The following ARMC8 variants were observed in gnomAD, a reference collection of about 807,000 sequenced individuals.
ARMC8 encodes the protein armadillo repeat containing 8.
A neutral mutation model predicts 99.3 loss-of-function variants in ARMC8; 20 were observed. The observed-to-expected ratio is 0.20, with a 90% CI of 0.14 to 0.29. ARMC8 has a LOEUF of 0.29. Ranked by LOEUF, ARMC8 falls within the 10% of genes least tolerant of loss-of-function variation. The probability of loss-of-function intolerance (pLI) is 1.00; values close to 1 mark genes in which losing one functional copy is unlikely to be tolerated. For synonymous variants in ARMC8, 263 were observed against 278.3 expected, an observed-to-expected ratio of 0.95 and a Z score of 0.55; for missense variants, 569 against 809.5, an observed-to-expected ratio of 0.70 and a Z score of 3.60.
At position 138,259,683 on chromosome 3, in the gene ARMC8, G is replaced by A. The variant is rs558189187; in HGVS notation, c.1135-4056G>A. Among the ~76,000 whole-genome samples the A allele has an allele frequency of 2.6e-5, 4 of 152,286 alleles. No individual in the cohort carries two copies. The South Asian group carries it at 8.3e-4, about 32-fold the overall frequency. On this transcript the variant is annotated intron_variant, in intron 12 of 21. Transcript: ENST00000469044. ...CTAAGAAGGGTCAACTTGTGCCTGA[G>A]GGGAAGATACCTCCAGATAGTTTTA...
chr3:138,263,947 A>G, intron 13 of ARMC8, 126 bp downstream of exon 13: 1 of 1,035,590 alleles, frequency 9.7e-7, no homozygotes, highest in East Asian at 2.4e-5. Flanking sequence ...GTGAATTCAT[A>G]GAGTATATAA....
chr3:138,281,783 C>T (rs899621860), intron 18 of ARMC8, among the ~76,000 whole-genome samples: 7 of 152,140 alleles, frequency 4.6e-5, no homozygotes, highest in East Asian at 1.9e-4. Context: ...GAGGGATCTT[C>T]CCTGGAATTC....
At chr3:138,223,801 A>G in intron 5 of ARMC8, 68 bp downstream of exon 5, 1 of 1,300,440 alleles carries the variant, frequency 7.7e-7, no homozygotes, top group South Asian at 1.2e-5. Context: ...TTTGCTTAGC[A>G]TCTTCAGACT....
At chr3:138,199,479 T>A (rs926631128) in intron 1 of ARMC8, among the ~76,000 whole-genome samples, 1 of 152,204 alleles carries the variant, frequency 6.6e-6, no homozygotes, top group Admixed American at 6.5e-5. Context: ...AGTGTTATCC[T>A]TTTTTGTTCC....
chr3:138,205,542 A>T (rs2044326085), intron 1 of ARMC8, among the ~76,000 whole-genome samples: 1 of 152,188 alleles, frequency 6.6e-6, no homozygotes, highest in Non-Finnish European at 1.5e-5. Flanking sequence ...ATTACCGGTG[A>T]TGGAAATAAC....
At chr3:138,210,031 A>G (rs1259327674) in intron 2 of ARMC8, 138 bp downstream of exon 2, 1 of 545,100 alleles carries the variant, frequency 1.8e-6, no homozygotes, top group Non-Finnish European at 3.2e-6. Flanking sequence ...ACTGCTTGAC[A>G]TTCATGACGT....
At chr3:138,259,903 A>G (rs1457133947) in intron 12 of ARMC8, among the ~76,000 whole-genome samples, 2 of 152,116 alleles carry the variant, frequency 1.3e-5, no homozygotes, top group African/African-American at 4.8e-5. Context: ...ATGTCTTCCT[A>G]CCTTCCCTTT....
intron 16 of ARMC8, among the ~76,000 whole-genome samples, chr3:138,271,649 A>G (rs1409068571): frequency 1.3e-5 from 2 of 152,186 alleles, no homozygotes; most frequent in Non-Finnish European, 2.9e-5. Context: ...GGGTCTCTTG[A>G]CACATAGAGT....
At chr3:138,246,077 T>C (rs1303349469) in intron 12 of ARMC8, 1 of 985,254 alleles carries the variant, frequency 1.0e-6, no homozygotes, top group Non-Finnish European at 1.2e-6. Context: ...CACAAAGTAT[T>C]AGAGTTTACC....
rs979824546 is a variant in ARMC8, at chr3:138,241,794, T to C, written c.849T>C (p.Cys283=). 57 of 1,613,918 alleles carry C rather than the reference T, an allele frequency of 3.5e-5. No homozygotes were observed. Among genetic ancestry groups the C allele is most frequent in the Non-Finnish European group, 4.7e-5 (56 of 1,179,918 alleles). ...TCACTACCTTTCAGACATTACCTTG[T>C]TTGGTTCGAATGTGCAGTAAGGAGA... ...DNCIVLKTLP[C]LVRMCSKERL... The change falls in exon 11 of 22, where the codon TGT becomes TGC. Residue 283 remains cysteine, a synonymous_variant. Coordinates refer to ENST00000469044, the MANE Select transcript of ARMC8 (RefSeq NM_001363941.2).
chr3:138,217,886 G>T (rs993088901), intron 2 of ARMC8, among the ~76,000 whole-genome samples: 17 of 152,128 alleles, frequency 1.1e-4, no homozygotes, highest in African/African-American at 4.1e-4. Flanking sequence ...GTAGTCACTC[G>T]ACATGTCACA....
intron 12 of ARMC8, among the ~76,000 whole-genome samples, chr3:138,260,513 T>C (rs2047655089): frequency 6.6e-6 from 1 of 152,212 alleles, no homozygotes; most frequent in Non-Finnish European, 1.5e-5. Context: ...GGTTCTTTCA[T>C]ATCAGCCTTC....
chr3:138,277,818 C>T (rs2049450844), intron 18 of ARMC8, among the ~76,000 whole-genome samples: 1 of 152,168 alleles, frequency 6.6e-6, no homozygotes, highest in Admixed American at 6.5e-5. Context: ...CCTAAGTTCA[C>T]ACACATTCAT....
intron 6 of ARMC8, among the ~76,000 whole-genome samples, chr3:138,229,560 T>C (rs1281296232): frequency 2.0e-5 from 3 of 152,162 alleles, no homozygotes; most frequent in Admixed American, 6.5e-5. Flanking sequence ...TATACCACTT[T>C]ATACTACCAG....
At chr3:138,212,104 A>G (rs556137595) in intron 2 of ARMC8, among the ~76,000 whole-genome samples, 58 of 152,258 alleles carry the variant, frequency 3.8e-4, no homozygotes, top group Middle Eastern at 3.4e-3. Context: ...CAGATCACCC[A>G]ACATTTTTTT....
rs1035806003 is a variant in ARMC8 at position 138,235,798 on chromosome 3, C to A, written c.609+684C>A. Among the ~76,000 whole-genome samples, 4 of 80,540 alleles carry A rather than the reference C, an allele frequency of 5.0e-5. No individual in the cohort carries two copies. In the Admixed American group the frequency reaches 6.1e-4, roughly 12 times the overall value. The allele number at this position is 80,540 out of a possible 152,430, so 52.8% of individuals were successfully genotyped here. A position where few individuals can be genotyped will look rare whatever the true frequency, so the allele number is the denominator to read the frequency against. On this transcript the variant is annotated intron_variant, in intron 7 of 21. Transcript: ENST00000469044. The stretch of plus-strand genomic sequence containing the variant: ...AGTGACTCCATTCTGTCCTTTTAGT[C>A]TTTTTTTTTTTTTTTTTTTTTTTTT...
intron 17 of ARMC8, 56 bp downstream of exon 17, chr3:138,273,172 A>G (rs976826495): frequency 8.6e-5 from 130 of 1,512,692 alleles, no homozygotes; most frequent in Non-Finnish European, 1.2e-4. Flanking sequence ...GCATTGCAAG[A>G]CATTGCTCTC....
rs1401233928 is a variant in ARMC8 at position 138,274,480 on chromosome 3, A to G, written c.1661A>G (p.Lys554Arg). The change falls in exon 18 of 22, where the codon AAG becomes AGG. Residue 554 changes from lysine (K) to arginine (R), a missense_variant. Lys to Arg is a conservative substitution (Grantham distance 26). This residue lies in a region of ARMC8 where 227 missense variants were observed against 417.9 expected (regional missense o/e 0.54). Coordinates refer to ENST00000469044, the MANE Select transcript of ARMC8 (RefSeq NM_001363941.2). ...HIDKIMSTHGKQIMQAVTLIL... is the reference protein window; with the variant it reads ...HIDKIMSTHGRQIMQAVTLIL... The stretch of plus-strand genomic sequence containing the variant: ...GATAAAATAATGAGTACTCATGGAA[A>G]GCAAATTATGCAAGCCGTCACTCTT... 1 of 1,612,284 alleles carries G rather than the reference A, an allele frequency of 6.2e-7. No homozygotes were observed. The highest frequency in any genetic ancestry group is 8.5e-7 in the Non-Finnish European group (1 of 1,178,542).
intron 12 of ARMC8, among the ~76,000 whole-genome samples, chr3:138,248,757 T>G (rs1464423535): frequency 1.3e-5 from 2 of 152,232 alleles, no homozygotes; most frequent in Non-Finnish European, 1.5e-5. Context: ...TAGAACTTGT[T>G]AGAAATGTTA....
Sources: gnomAD v4.1 joint callset for allele counts (sites outside exome capture counted in the v4.1 genomes callset) on GRCh38, gnomAD v4.1.1 for gene constraint, gnomAD v4.1.1 regional missense constraint, MANE v1.5 for transcripts, NCBI Gene and HGNC (gene_info 2026-07-23, HGNC 2026-07-21) for gene names.